Variants in GDAP1 observed in about 807,000 individuals in gnomAD.
The protein encoded by GDAP1 is ganglioside induced differentiation associated protein 1.
Under a neutral mutation model 40.1 loss-of-function variants are expected in GDAP1, and 34 were observed. The observed-to-expected ratio is 0.85, with a 90% CI of 0.64 to 1.13. The LOEUF (loss-of-function observed/expected upper bound fraction) is 1.13. Among genes scored for constraint, GDAP1 ranks in the 50% most tolerant of loss-of-function variants. The probability of loss-of-function intolerance (pLI) is 0.00; values close to 1 mark genes in which losing one functional copy is unlikely to be tolerated. For synonymous variants in GDAP1, 170 were observed against 157.4 expected (o/e 1.08, Z -0.60); for missense variants, 374 against 433.7 (o/e 0.86, Z 1.22).
At chr8:74,485,779 G>A (rs914605029) in intron 2 of GDAP1, among the ~76,000 whole-genome samples, 2 of 152,130 alleles carry the variant, frequency 1.3e-5, no homozygotes, top group African/African-American at 2.4e-5. Flanking sequence ...TGAATCAACT[G>A]GGGAAAATGG....
At chr8:74,376,294 A>G (rs1437063246) in intron 2 of GDAP1, among the ~76,000 whole-genome samples, 4 of 152,238 alleles carry the variant, frequency 2.6e-5, no homozygotes, top group Admixed American at 1.3e-4. Flanking sequence ...AATGCGAAGG[A>G]CATAGTAATA....
At chr8:74,422,511 C>G (rs1288099526) in intron 2 of GDAP1, among the ~76,000 whole-genome samples, 12 of 139,274 alleles carry the variant, frequency 8.6e-5, no homozygotes, top group Non-Finnish European at 1.4e-4. Flanking sequence ...TTCCTTCCTT[C>G]CTTCCTTCCT....
intron 2 of GDAP1, among the ~76,000 whole-genome samples, chr8:74,402,857 A>G (rs1810371769): frequency 6.7e-6 from 1 of 150,350 alleles, no homozygotes; most frequent in Non-Finnish European, 1.5e-5. Context: ...ATTTGTCAAG[A>G]TATATCTGAA....
At chr8:74,432,963 C>G (rs552773000) in intron 2 of GDAP1, among the ~76,000 whole-genome samples, 1 of 152,308 alleles carries the variant, frequency 6.6e-6, no homozygotes, top group East Asian at 1.9e-4. Flanking sequence ...TCCAGCTTTT[C>G]TGACATCATA....
rs117410131 is a variant in GDAP1 at position 74,443,416 on chromosome 8, T to G, written c.166-45262T>G. ...TGGTGATAGGCAGTTAAAAAAAACTTTGACAAATTTAAAAGTTGACCATTC... is the reference window on the plus strand; with the variant it reads ...TGGTGATAGGCAGTTAAAAAAAACTGTGACAAATTTAAAAGTTGACCATTC... On this transcript the variant is annotated intron_variant, in intron 2 of 2. Transcript: ENST00000523640. Among the ~76,000 whole-genome samples the G allele has an allele frequency of 5.5e-3, 834 of 152,312 alleles. 3 individuals are homozygous for G. The highest frequency in any genetic ancestry group is 0.014 in the Middle Eastern group (4 of 294).
At chr8:74,464,853 A>AAG (rs1383459398) in intron 2 of GDAP1, among the ~76,000 whole-genome samples, 1 of 152,208 alleles carries the variant, frequency 6.6e-6, no homozygotes, top group African/African-American at 2.4e-5. Context: ...AGTATCTTCC[A>AAG]AGATACTTAC....
chr8:74,434,722 T>C (rs1806068041), intron 2 of GDAP1, among the ~76,000 whole-genome samples: 1 of 152,202 alleles, frequency 6.6e-6, no homozygotes, highest in South Asian at 2.1e-4. Flanking sequence ...GCTCTTTTTA[T>C]CCCTAGTTCT....
intron 2 of GDAP1, among the ~76,000 whole-genome samples, chr8:74,410,435 A>G (rs1330936438): frequency 6.7e-6 from 1 of 150,282 alleles, no homozygotes; most frequent in African/African-American, 2.5e-5. Context: ...ATATTAGACA[A>G]GACATAATTA....
At chr8:74,458,332 T>C (rs1412230396) in intron 2 of GDAP1, among the ~76,000 whole-genome samples, 1 of 152,164 alleles carries the variant, frequency 6.6e-6, no homozygotes, top group East Asian at 1.9e-4. Flanking sequence ...ATGACCAGAT[T>C]GTCCCAAGAC....
At chr8:74,360,371 GAC>G in intron 3 of GDAP1, 61 bp downstream of exon 3, 2 of 1,358,160 alleles carry the variant, frequency 1.5e-6, no homozygotes, top group Non-Finnish European at 2.1e-6. Context: ...TTCATTTTGA[GAC>G]CTAGCATGTC....
intron 2 of GDAP1, among the ~76,000 whole-genome samples, chr8:74,459,385 A>G (rs1806373228): frequency 6.6e-6 from 1 of 152,208 alleles, no homozygotes; most frequent in Admixed American, 6.5e-5. Flanking sequence ...GAGTGTGCAT[A>G]AGAATGACAC....
intron 2 of GDAP1, among the ~76,000 whole-genome samples, chr8:74,372,011 A>G (rs970420308): frequency 6.6e-6 from 1 of 150,732 alleles, no homozygotes; most frequent in East Asian, 2.0e-4. Context: ...GAGTGAGAAC[A>G]TGTGGTGTTT....
At chr8:74,457,009 T>C (rs1309037270) in intron 2 of GDAP1, among the ~76,000 whole-genome samples, 2 of 152,096 alleles carry the variant, frequency 1.3e-5, no homozygotes, top group Non-Finnish European at 2.9e-5. Flanking sequence ...GCCCATGCCA[T>C]ATGGCTACCC....
chr8:74,432,827 T>C (rs982537003), intron 2 of GDAP1, among the ~76,000 whole-genome samples: 2 of 152,224 alleles, frequency 1.3e-5, no homozygotes, highest in African/African-American at 4.8e-5. Context: ...ACTGATATGT[T>C]GGTATCAATA....
chr8:74,362,332 C>G (rs915609245), intron 4 of GDAP1, among the ~76,000 whole-genome samples: 6 of 152,148 alleles, frequency 3.9e-5, no homozygotes, highest in African/African-American at 1.2e-4. Context: ...TGCTTTGCCC[C>G]CTGAGGAGTG....
intron 2 of GDAP1, among the ~76,000 whole-genome samples, chr8:74,397,199 G>GT (rs144276375): frequency 0.014 from 2,083 of 144,404 alleles, 54 homozygotes; most frequent in African/African-American, 0.049. Flanking sequence ...TTTTTGATGG[G>GT]TTTTTTTTTT....
At chr8:74,413,330 T>C (rs1250197190) in intron 2 of GDAP1, among the ~76,000 whole-genome samples, 1 of 149,570 alleles carries the variant, frequency 6.7e-6, no homozygotes, top group Non-Finnish European at 1.5e-5. Flanking sequence ...ACCACTGAAG[T>C]GGTAGTGAAT....
At chr8:74,477,040 A>G (rs1806638347) in intron 2 of GDAP1, among the ~76,000 whole-genome samples, 1 of 152,124 alleles carries the variant, frequency 6.6e-6, no homozygotes, top group African/African-American at 2.4e-5. Context: ...GCCGGTGTTC[A>G]GTCTCTGAGA....
chr8:74,389,080 C>T (rs981144358), intron 2 of GDAP1, among the ~76,000 whole-genome samples: 15 of 151,968 alleles, frequency 9.9e-5, no homozygotes, highest in African/African-American at 3.1e-4. Context: ...TGTCTTTTCT[C>T]GTGAGATGGG....
Sources: gnomAD v4.1 joint callset for allele counts (sites outside exome capture counted in the v4.1 genomes callset) on GRCh38, gnomAD v4.1.1 for gene constraint, MANE v1.5 for transcripts, NCBI Gene and HGNC (gene_info 2026-07-23, HGNC 2026-07-21) for gene names.